The following SHISAL2A variants were observed in gnomAD, a reference collection of about 807,000 sequenced individuals.
The protein encoded by SHISAL2A is shisa like 2A.
In SHISAL2A, 18 loss-of-function variants were observed where a neutral mutation model predicts 11.5. The observed-to-expected ratio is 1.57, with a 90% CI of 1.08 to 2.33. The LOEUF (loss-of-function observed/expected upper bound fraction) is 2.33. Among genes scored for constraint, SHISAL2A ranks in the 30% most tolerant of loss-of-function variants. The pLI, the probability that SHISAL2A is intolerant of heterozygous loss-of-function variation, is 0.00. For synonymous variants in SHISAL2A, 94 were observed against 99.6 expected (o/e 0.94, Z 0.34); for missense variants, 261 against 250.9 (o/e 1.04, Z -0.27).
intron 2 of SHISAL2A, among the ~76,000 whole-genome samples, chr1:52,650,833 C>T (rs1228229126): frequency 2.6e-5 from 4 of 151,512 alleles, no homozygotes; most frequent in Admixed American, 6.6e-5. Flanking sequence ...TTAATAGAAA[C>T]GGGGTTTCAC....
At chr1:52,662,682 G>C (rs1276804355) in intron 4 of SHISAL2A, among the ~76,000 whole-genome samples, 1 of 151,832 alleles carries the variant, frequency 6.6e-6, no homozygotes, top group African/African-American at 2.4e-5. Flanking sequence ...ACCCCTTAGG[G>C]CTCCAAGGGC....
chr1:52,661,761 G>A (rs1355360689), downstream of SHISAL2A, among the ~76,000 whole-genome samples: 1 of 152,212 alleles, frequency 6.6e-6, no homozygotes, highest in African/African-American at 2.4e-5. Flanking sequence ...GCCGGGCATG[G>A]TGGCTCACAG....
intron 4 of SHISAL2A, among the ~76,000 whole-genome samples, chr1:52,662,637 TACCGCCCC>T (rs1691930014): frequency 4.6e-5 from 7 of 150,954 alleles, no homozygotes; most frequent in Non-Finnish European, 1.0e-4. Context: ...AGGCGTGAGG[TACCGCCCC>T]CCCACCCTTT....
intron 2 of SHISAL2A, among the ~76,000 whole-genome samples, chr1:52,654,116 G>A (rs1314824787): frequency 1.3e-5 from 2 of 152,092 alleles, no homozygotes; most frequent in African/African-American, 4.8e-5. Context: ...TTGCTATGTT[G>A]CCCAGGCTGG....
chr1:52,650,352 G>A (rs185316576), intron 2 of SHISAL2A, among the ~76,000 whole-genome samples: 25 of 152,292 alleles, frequency 1.6e-4, no homozygotes, highest in East Asian at 1.9e-4. Context: ...AAGGCACAGC[G>A]CTGGGCAGAG....
chr1:52,636,901 CACTG>C (rs771087456), intron 1 of SHISAL2A, among the ~76,000 whole-genome samples: 3 of 152,198 alleles, frequency 2.0e-5, no homozygotes, highest in Non-Finnish European at 4.4e-5. Context: ...GAAAAATACT[CACTG>C]ACCCTCTAGT....
intron 4 of SHISAL2A, among the ~76,000 whole-genome samples, chr1:52,666,790 G>A (rs1692021916): frequency 6.6e-6 from 1 of 152,178 alleles, no homozygotes; most frequent in South Asian, 2.1e-4. Context: ...TGAAATGACA[G>A]GGAGACCACA....
chr1:52,635,357 A>C, intron 1 of SHISAL2A, among the ~76,000 whole-genome samples: 3 of 143,644 alleles, frequency 2.1e-5, no homozygotes, highest in African/African-American at 2.5e-5. Context: ...CTCATTCCCC[A>C]CCCCCCACCC....
intron 2 of SHISAL2A, among the ~76,000 whole-genome samples, chr1:52,655,182 CAAT>C (rs1216753199): frequency 1.3e-5 from 2 of 150,968 alleles, no homozygotes; most frequent in African/African-American, 2.4e-5. Context: ...TGATATGTCT[CAAT>C]AAATGAATAA....
intron 1 of SHISAL2A, among the ~76,000 whole-genome samples, chr1:52,639,107 A>G (rs1158299813): frequency 3.3e-5 from 5 of 151,796 alleles, no homozygotes; most frequent in Admixed American, 2.0e-4. Flanking sequence ...CGGAAGGTTG[A>G]GGTTGCAGTG....
At position 52,633,221 on chromosome 1, in the gene SHISAL2A, C is replaced by T. The variant is rs973936166; in HGVS notation, c.-273C>T. 6 of 287,188 alleles carry T rather than the reference C, an allele frequency of 2.1e-5. No homozygotes were observed. Among genetic ancestry groups the T allele is most frequent in the African/African-American group, 1.3e-4 (6 of 45,052 alleles). The allele number at this position is 287,188 out of a possible 1,614,324, so 17.8% of individuals were successfully genotyped here. ...CCAGCTCCCCGCGTCCGCTCCGGCTCCTGCCGCGTTCCAGCAGCCGTCACT... is the reference window on the plus strand; with the variant it reads ...CCAGCTCCCCGCGTCCGCTCCGGCTTCTGCCGCGTTCCAGCAGCCGTCACT... On this transcript the variant is annotated 5_prime_UTR_variant, in exon 1 of 3. Coordinates refer to ENST00000517870, the MANE Select transcript of SHISAL2A (RefSeq NM_001042693.3). The surrounding 1 kb of genome is among the most constrained non-coding windows in gnomAD (Gnocchi z 6.4).
chr1:52,666,443 T>G (rs1049914670), intron 4 of SHISAL2A, among the ~76,000 whole-genome samples: 10 of 152,070 alleles, frequency 6.6e-5, no homozygotes, highest in African/African-American at 2.2e-4. Flanking sequence ...CAGAGTGAGA[T>G]TCTGTCTCAA....
chr1:52,657,481 A>T (rs1356152765), downstream of SHISAL2A, among the ~76,000 whole-genome samples: 1 of 152,064 alleles, frequency 6.6e-6, no homozygotes, highest in Non-Finnish European at 1.5e-5. Context: ...AGAGGGACGG[A>T]TAGAGAGGGA....
At chr1:52,642,327 T>TA (rs1194527211) in intron 1 of SHISAL2A, among the ~76,000 whole-genome samples, 1 of 152,154 alleles carries the variant, frequency 6.6e-6, no homozygotes, top group African/African-American at 2.4e-5. Flanking sequence ...CCTTGGCATA[T>TA]AGTTGGTGCA....
chr1:52,634,297 G>A (rs982615461), intron 1 of SHISAL2A, among the ~76,000 whole-genome samples: 1 of 152,150 alleles, frequency 6.6e-6, no homozygotes, highest in South Asian at 2.1e-4. Flanking sequence ...CCCAGCCTCA[G>A]CCCAGCGTCA....
chr1:52,640,441 G>A (rs1446997543), intron 1 of SHISAL2A, among the ~76,000 whole-genome samples: 1 of 152,096 alleles, frequency 6.6e-6, no homozygotes, highest in East Asian at 1.9e-4. Flanking sequence ...ACATGCCAGG[G>A]CCTAGACAAT....
At chr1:52,656,722 G>C in intron 2 of SHISAL2A, 68 bp from the exon 3 acceptor site, 1 of 1,521,946 alleles carries the variant, frequency 6.6e-7, no homozygotes, top group African/African-American at 1.4e-5. Context: ...CACCAGAGAA[G>C]TCAGCTGGGG....
At chr1:52,662,015 A>C (rs1691915935), downstream of SHISAL2A, among the ~76,000 whole-genome samples, 1 of 151,880 alleles carries the variant, frequency 6.6e-6, no homozygotes, top group African/African-American at 2.4e-5. Context: ...CCTGGGTGAC[A>C]GAGCAAGACT....
chr1:52,653,272 G>C (rs1369540139), intron 2 of SHISAL2A, among the ~76,000 whole-genome samples: 1 of 102,160 alleles, frequency 9.8e-6, no homozygotes, highest in African/African-American at 3.9e-5. Flanking sequence ...AACATGACAA[G>C]ACTCCTGTCT....
Sources: gnomAD v4.1 joint callset for allele counts (sites outside exome capture counted in the v4.1 genomes callset) on GRCh38, gnomAD v4.1.1 for gene constraint, Gnocchi (gnomAD v3.1) non-coding constraint, MANE v1.5 for transcripts, NCBI Gene and HGNC (gene_info 2026-07-23, HGNC 2026-07-21) for gene names.